The following SRBD1 variants were observed in gnomAD, a reference collection of about 807,000 sequenced individuals.
SRBD1 encodes the protein S1 RNA-binding domain-containing protein 1.
In SRBD1, 88 loss-of-function variants were observed where a neutral mutation model predicts 115.3. The ratio of observed to expected loss-of-function variants is 0.76; its 90% CI spans 0.64 to 0.91. SRBD1 has a LOEUF of 0.91. Among genes scored for constraint, SRBD1 ranks in the 40% least tolerant of loss-of-function variants. SRBD1 has a pLI of 0.00. For missense variants in SRBD1, 1,385 were observed against 1,177.4 expected (o/e 1.18, Z -2.58); for synonymous variants, 509 against 407.7 (o/e 1.25, Z -2.99).
intron 4 of SRBD1, among the ~76,000 whole-genome samples, chr2:45,595,530 G>C (rs559061180): frequency 3.9e-5 from 6 of 152,104 alleles, no homozygotes; most frequent in African/African-American, 1.4e-4. Flanking sequence ...AAATGTTCAG[G>C]ACTTTTCTGA....
chr2:45,556,079 TA>T (rs1672466345), intron 10 of SRBD1, among the ~76,000 whole-genome samples: 2 of 152,220 alleles, frequency 1.3e-5, no homozygotes, highest in South Asian at 4.1e-4. Flanking sequence ...AAAGATTACA[TA>T]ATAGCAACTA....
At chr2:45,390,391 C>A (rs1043262151) in intron 20 of SRBD1, among the ~76,000 whole-genome samples, 7 of 152,082 alleles carry the variant, frequency 4.6e-5, no homozygotes, top group African/African-American at 1.4e-4. Flanking sequence ...TTTCTTTGTT[C>A]ATTATTGTCC....
At chr2:45,462,794 C>T (rs1171324892) in intron 16 of SRBD1, among the ~76,000 whole-genome samples, 1 of 151,974 alleles carries the variant, frequency 6.6e-6, no homozygotes, top group Non-Finnish European at 1.5e-5. Context: ...CCACTGCACT[C>T]CAGCCTGGGC....
chr2:45,539,911 T>A (rs1372798816), intron 14 of SRBD1, among the ~76,000 whole-genome samples: 2 of 152,150 alleles, frequency 1.3e-5, no homozygotes, highest in Admixed American at 1.3e-4. Context: ...CTAGAATTAT[T>A]ACACAGATTG....
chr2:45,610,331 A>C (rs1674406072), intron 1 of SRBD1, among the ~76,000 whole-genome samples: 1 of 152,270 alleles, frequency 6.6e-6, no homozygotes, highest in South Asian at 2.1e-4. Flanking sequence ...TTTCTTAAGA[A>C]GCACCTAAAC....
chr2:45,432,948 C>T (rs544433654), intron 16 of SRBD1, among the ~76,000 whole-genome samples: 4 of 152,210 alleles, frequency 2.6e-5, no homozygotes, highest in South Asian at 2.1e-4. Flanking sequence ...CCCTGAAGGA[C>T]GAAAAGTATC....
chr2:45,494,377 A>G (rs1015169355), intron 14 of SRBD1, among the ~76,000 whole-genome samples: 2 of 151,774 alleles, frequency 1.3e-5, no homozygotes, highest in African/African-American at 2.4e-5. Context: ...ATAATGGCCA[A>G]CTTTTTTTTT....
At chr2:45,607,914 A>C (rs575716834) in intron 1 of SRBD1, among the ~76,000 whole-genome samples, 6 of 152,314 alleles carry the variant, frequency 3.9e-5, no homozygotes, top group African/African-American at 9.6e-5. Context: ...AGGGAGGAGA[A>C]TGGGAAGGCT....
intron 16 of SRBD1, among the ~76,000 whole-genome samples, chr2:45,421,510 C>CA (rs869298079): frequency 0.02 from 452 of 22,298 alleles, 29 homozygotes; most frequent in Non-Finnish European, 0.029. Flanking sequence ...CCGTCTCAAA[C>CA]AAAAAAAAAA....
Position 45,575,869 on chromosome 2 carries a change from A to G in SRBD1, c.1073-1146T>C, listed in dbSNP as rs571780582. Among the ~76,000 whole-genome samples, 295 of 152,068 alleles carry G rather than the reference A, an allele frequency of 1.9e-3. 1 individual carries two copies. The highest frequency in any genetic ancestry group is 2.2e-3 in the Non-Finnish European group (147 of 67,962). On this transcript the variant is annotated intron_variant, in intron 7 of 20. Transcript: ENST00000263736. ...CAGGCACACACCACCACACCCAGCT[A>G]ATTTTTGTATTTTTAGTAGTGACGG...
chr2:45,560,375 A>G (rs965933705), intron 10 of SRBD1, among the ~76,000 whole-genome samples: 2 of 152,368 alleles, frequency 1.3e-5, no homozygotes, highest in South Asian at 2.1e-4. Context: ...CAGAAAAATA[A>G]GCCAGAAATT....
chr2:45,419,694 C>T (rs1572620014), intron 17 of SRBD1, 94 bp downstream of exon 17: 1 of 1,072,806 alleles, frequency 9.3e-7, no homozygotes, highest in Non-Finnish European at 1.4e-6. Context: ...TACTTGACAA[C>T]TTTATACACG....
intron 18 of SRBD1, among the ~76,000 whole-genome samples, chr2:45,414,264 A>G (rs1266561514): frequency 6.6e-6 from 1 of 152,170 alleles, no homozygotes; most frequent in East Asian, 1.9e-4. Context: ...ACCAAGCTCT[A>G]AAAGAATTTC....
intron 7 of SRBD1, among the ~76,000 whole-genome samples, chr2:45,578,060 A>G (rs761628806): frequency 3.3e-5 from 5 of 152,214 alleles, no homozygotes; most frequent in Non-Finnish European, 7.3e-5. Context: ...AGATATGGTT[A>G]TCAAAAACCT....
At chr2:45,538,669 T>C (rs969582054) in intron 14 of SRBD1, among the ~76,000 whole-genome samples, 2 of 152,216 alleles carry the variant, frequency 1.3e-5, no homozygotes, top group African/African-American at 2.4e-5. Context: ...ATGAGTTGAA[T>C]AAAGAGAGGA....
chr2:45,539,668 A>T lies in SRBD1; in HGVS notation c.1874+7064T>A, dbSNP rs574799861. Among the ~76,000 whole-genome samples the T allele has an allele frequency of 6.6e-5, 10 of 152,326 alleles. No individual in the cohort carries two copies. The South Asian group carries it at 2.1e-3, about 32-fold the overall frequency. ...ACCTGGGTGGTCAGAAAAAAACTCA[A>T]GCCGAGAATTTAATTTAAGTGATCC... On this transcript the variant is annotated intron_variant, in intron 14 of 20. Coordinates refer to ENST00000263736, the MANE Select transcript of SRBD1 (RefSeq NM_018079.5).
At chr2:45,602,567 G>T (rs1170790643) in intron 2 of SRBD1, among the ~76,000 whole-genome samples, 5 of 152,186 alleles carry the variant, frequency 3.3e-5, no homozygotes, top group African/African-American at 1.2e-4. Flanking sequence ...TTAAAAGCCA[G>T]CACCAAGACC....
chr2:45,410,097 T>C (rs971602623), intron 19 of SRBD1, among the ~76,000 whole-genome samples: 22 of 152,164 alleles, frequency 1.4e-4, no homozygotes, highest in African/African-American at 5.1e-4. Context: ...GGCCAAATAA[T>C]ATGAACAAAT....
chr2:45,405,307 T>C (rs1352105655), intron 19 of SRBD1, among the ~76,000 whole-genome samples: 2 of 152,192 alleles, frequency 1.3e-5, no homozygotes, highest in African/African-American at 2.4e-5. Context: ...CATTAACTAT[T>C]CATTACTGAG....
Sources: gnomAD v4.1 joint callset for allele counts (sites outside exome capture counted in the v4.1 genomes callset) on GRCh38, gnomAD v4.1.1 for gene constraint, MANE v1.5 for transcripts, NCBI Gene and HGNC (gene_info 2026-07-23, HGNC 2026-07-21) for gene names.